Variants in GPI observed in about 807,000 individuals in gnomAD.
The protein encoded by GPI is glucose-6-phosphate isomerase, also known as D-hexose-6-phosphate anomerase.
A neutral mutation model predicts 75.8 loss-of-function variants in GPI; 56 were observed. The observed-to-expected ratio is 0.74, with a 90% CI of 0.60 to 0.92. The LOEUF (loss-of-function observed/expected upper bound fraction) is 0.92, where lower values mean the gene tolerates loss of function less well. GPI is among the 40% of genes least tolerant of loss of function. The pLI is 0.00. For missense variants in GPI, 638 were observed against 741.0 expected, an observed-to-expected ratio of 0.86 and a Z score of 1.61; for synonymous variants, 288 against 285.4, an observed-to-expected ratio of 1.01 and a Z score of -0.09.
chr19:34,363,314 A>T (rs1190005318), upstream of GPI: 4 of 152,864 alleles, frequency 2.6e-5, no homozygotes, highest in Non-Finnish European at 5.8e-5. Flanking sequence ...TCTCAAAAAA[A>T]AAAAAAGAAG....
In GPI at chr19:34,368,668, A is replaced by G. The variant is rs1298265154; in HGVS notation, c.368A>G (p.Asn123Ser). 1 of 1,614,228 alleles carries G rather than the reference A, an allele frequency of 6.2e-7. No individual in the cohort carries two copies. Among genetic ancestry groups the G allele is most frequent in the East Asian group, 2.2e-5 (1 of 44,894 alleles). Reference protein sequence around the residue: ...VDGKDVMPEVNKVLDKMKSFC... With the variant: ...VDGKDVMPEVSKVLDKMKSFC... ...GGCAAGGATGTGATGCCAGAGGTCA[A>G]CAAGGTTCTGGACAAGATGAAGTCT... The change falls in exon 4 of 18, where the codon AAC (asparagine) becomes AGC (serine). Residue 123 changes from asparagine (N) to serine (S), a missense_variant. By Grantham distance (46) the Asn-to-Ser change is conservative (BLOSUM62 1). Coordinates refer to ENST00000356487, the MANE Select transcript of GPI (RefSeq NM_000175.5).
intron 9 of GPI, among the ~76,000 whole-genome samples, chr19:34,384,025 T>C (rs1234976802): frequency 6.6e-6 from 1 of 152,100 alleles, no homozygotes; most frequent in African/African-American, 2.4e-5. Flanking sequence ...AGGGGAGGCC[T>C]GAGGAGCCAA....
intron 15 of GPI, 101 bp from the exon 16 acceptor site, chr19:34,399,455 C>G: frequency 6.4e-7 from 1 of 1,558,272 alleles, no homozygotes; most frequent in Non-Finnish European, 8.9e-7. Context: ...GGCCTGTCCT[C>G]ACAGACCTGC....
chr19:34,395,367 CA>C (rs8191419), intron 12 of GPI, among the ~76,000 whole-genome samples: 2,920 of 151,250 alleles, frequency 0.019, 107 homozygotes, highest in African/African-American at 0.067. Flanking sequence ...CCGGTCTCTA[CA>C]AAAAAAACCC....
Position 34,378,946 on chromosome 19 carries a change from C to G in GPI, c.646C>G (p.Gln216Glu). Residue 216 changes from glutamine to glutamate, a missense_variant, in exon 7 of 18, where the codon CAG (glutamine) becomes GAG (glutamate). Physicochemically the swap from Gln to Glu is conservative, Grantham distance 29 (BLOSUM62 2). Coordinates refer to ENST00000356487, the MANE Select transcript of GPI (RefSeq NM_000175.5). The stretch of plus-strand genomic sequence containing the variant: ...TCTTTGGTTGCAGACCTTTACTACC[C>G]AGGAGACCATCACGAATGCAGAGAC... The part of the protein sequence containing the change: ...FIIASKTFTT[Q>E]ETITNAETAK... 1 of 1,614,170 alleles carries G rather than the reference C, an allele frequency of 6.2e-7. No homozygotes were observed. The highest frequency in any genetic ancestry group is 8.5e-7 in the Non-Finnish European group (1 of 1,179,984).
chr19:34,383,216 AG>A (rs1347416046), intron 9 of GPI, among the ~76,000 whole-genome samples: 5 of 152,200 alleles, frequency 3.3e-5, no homozygotes, highest in Non-Finnish European at 7.3e-5. Flanking sequence ...CCACAGGGCC[AG>A]TTTTGGCTGG....
At chr19:34,386,971 G>A (rs750735552) in intron 9 of GPI, among the ~76,000 whole-genome samples, 69 of 152,172 alleles carry the variant, frequency 4.5e-4, no homozygotes, top group Non-Finnish European at 9.0e-4. Context: ...GCAGAGATTG[G>A]CAGCATTGGA....
At chr19:34,364,887 T>C (rs2074329777), upstream of GPI, 5 of 1,267,528 alleles carry the variant, frequency 3.9e-6, 1 homozygote, top group South Asian at 4.0e-5. Flanking sequence ...AGCCGACTAG[T>C]GCACAGGGAG....
chr19:34,368,570 C>T lies in GPI; in HGVS notation c.283-13C>T. The stretch of plus-strand genomic sequence containing the variant: ...GGGGGGGGCAGTCTTTATATCCTGA[C>T]CGTAATCCCCAGGGTCGAGCCGTGC... On this transcript the variant is annotated splice_polypyrimidine_tract_variant and intron_variant, in intron 3 of 17. Coordinates refer to ENST00000356487, the MANE Select transcript of GPI (RefSeq NM_000175.5). The T allele has an allele frequency of 6.2e-7, 1 of 1,614,140 alleles. No individual in the cohort carries two copies.
intron 14 of GPI, chr19:34,398,242 A>C (rs999738259): frequency 1.3e-4 from 20 of 152,058 alleles, no homozygotes; most frequent in African/African-American, 4.8e-4. Flanking sequence ...TTTTGTAGAG[A>C]TGGAGTCTCA....
At chr19:34,386,507 C>T (rs988031242) in intron 9 of GPI, among the ~76,000 whole-genome samples, 4 of 152,162 alleles carry the variant, frequency 2.6e-5, no homozygotes, top group African/African-American at 9.7e-5. Context: ...AGGTTGAATG[C>T]AGGTAGATAG....
intron 9 of GPI, among the ~76,000 whole-genome samples, chr19:34,383,682 G>A (rs962579346): frequency 6.6e-6 from 1 of 152,174 alleles, no homozygotes; most frequent in Non-Finnish European, 1.5e-5. Context: ...TGTACCTGGT[G>A]ATATGAGGCA....
chr19:34,400,175 G>A lies in GPI; in HGVS notation c.*139G>A. 1.1e-6 allele frequency: 1 copy of A among 885,636 alleles called. No homozygotes were observed. Among genetic ancestry groups the A allele is most frequent in the Admixed American group, 1.8e-5 (1 of 54,604 alleles). 54.9% of individuals were successfully genotyped at this position (885,636 alleles called of 1,614,324 possible). A position where few individuals can be genotyped will look rare whatever the true frequency, so the allele number is the denominator to read the frequency against. On this transcript the variant is annotated 3_prime_UTR_variant, in exon 18 of 18. Transcript: ENST00000356487. ...GCTTGGACCACGAGCCCTTAGCAGG[G>A]AAGGCTGGTCTCCCCCAGCCTAACC...
At chr19:34,394,746 C>T (rs548702195) in intron 12 of GPI, among the ~76,000 whole-genome samples, 1 of 151,614 alleles carries the variant, frequency 6.6e-6, no homozygotes, top group South Asian at 2.1e-4. Flanking sequence ...CAGATTCTCA[C>T]TCTGTTTCCC....
intron 12 of GPI, 109 bp downstream of exon 12, chr19:34,394,175 T>G: frequency 1.3e-6 from 1 of 782,102 alleles, no homozygotes; most frequent in Non-Finnish European, 2.2e-6. Context: ...CCATTGCCCT[T>G]GGGCCTGGCC....
intron 14 of GPI, 89 bp downstream of exon 14, chr19:34,396,746 G>T (rs961024762): frequency 3.1e-6 from 3 of 971,690 alleles, no homozygotes; most frequent in African/African-American, 1.6e-5. Context: ...TGGCAATCAC[G>T]TTAGTTTTCT....
intron 9 of GPI, among the ~76,000 whole-genome samples, chr19:34,391,193 G>A (rs917841807): frequency 7.5e-4 from 1 of 1,342 alleles, no homozygotes; most frequent in Non-Finnish European, 1.4e-3. Context: ...GTCTGGGGAA[G>A]TGAGGCTGGG....
upstream of GPI, among the ~76,000 whole-genome samples, chr19:34,361,778 C>A (rs530547049): frequency 1.7e-4 from 26 of 151,724 alleles, no homozygotes; most frequent in East Asian, 4.3e-3. Context: ...GTCAGGAGTT[C>A]GAGACTACCC....
intron 9 of GPI, among the ~76,000 whole-genome samples, chr19:34,382,278 G>T (rs1384549165): frequency 6.6e-6 from 1 of 152,178 alleles, no homozygotes; most frequent in East Asian, 1.9e-4. Context: ...CCATTTGGTG[G>T]TTTTCCCACC....
Sources: allele counts gnomAD v4.1 joint callset (sites outside exome capture counted in the v4.1 genomes callset), GRCh38; gene constraint gnomAD v4.1.1; transcripts MANE v1.5; gene names NCBI Gene and HGNC (gene_info 2026-07-23, HGNC 2026-07-21).